Variants in EEIG1 observed in about 807,000 individuals in gnomAD.
The protein encoded by EEIG1 is estrogen-induced osteoclastogenesis regulator 1, also known as early estrogen-induced gene 1 protein.
chr9:127,951,540 G>A, the EEIG1 span, among the ~76,000 whole-genome samples: 2 of 152,246 alleles, frequency 1.3e-5, no homozygotes, highest in East Asian at 1.9e-4. Context: ...CACAGAGGCC[G>A]GGCGCGGTGG....
the EEIG1 span, chr9:127,953,312 A>G: frequency 1.9e-6 from 1 of 519,964 alleles, no homozygotes; most frequent in Non-Finnish European, 3.4e-6. Context: ...GGGGTCCCAG[A>G]AAGAGGCCTG....
chr9:127,962,135 C>T, the EEIG1 span, among the ~76,000 whole-genome samples: 1 of 152,136 alleles, frequency 6.6e-6, no homozygotes, highest in African/African-American at 2.4e-5. Context: ...CCCCATCAGA[C>T]CTGCAGGAAG....
At chr9:127,945,501 C>G in the EEIG1 span, 6 of 1,569,256 alleles carry the variant, frequency 3.8e-6, no homozygotes, top group Non-Finnish European at 5.2e-6. This position sits in a 1 kb window ranked among gnomAD's most constrained non-coding sequence, Gnocchi z 6.5. Context: ...TGCTGGTGGA[C>G]GTGTTGCGGC....
chr9:127,979,922 C>T, the EEIG1 span: 23 of 1,529,248 alleles, frequency 1.5e-5, no homozygotes, highest in African/African-American at 2.8e-5. Context: ...GGGGCCCTTC[C>T]ACACTTGCCA....
chr9:127,951,854 C>G, the EEIG1 span, among the ~76,000 whole-genome samples: 2 of 151,096 alleles, frequency 1.3e-5, no homozygotes, highest in Admixed American at 1.3e-4. Context: ...AAACTAAGTT[C>G]AGGGAGGGGA....
At chr9:127,943,478 T>A in the EEIG1 span, 3 of 554,676 alleles carry the variant, frequency 5.4e-6, no homozygotes, top group South Asian at 6.3e-5. Context: ...TGCCACCCCA[T>A]CCTCACGGTC....
the EEIG1 span, among the ~76,000 whole-genome samples, chr9:127,955,100 G>C: frequency 6.6e-6 from 1 of 152,184 alleles, no homozygotes; most frequent in Non-Finnish European, 1.5e-5. Flanking sequence ...GAGACAGTGT[G>C]AGAGACGTTA....
the EEIG1 span, among the ~76,000 whole-genome samples, chr9:127,975,070 T>C: frequency 6.6e-6 from 1 of 152,184 alleles, no homozygotes; most frequent in Non-Finnish European, 1.5e-5. Flanking sequence ...TCAACCAGCA[T>C]TCCACAGCCT....
At chr9:127,944,571 C>A in the EEIG1 span, 1 of 1,438,740 alleles carries the variant, frequency 7.0e-7, no homozygotes, top group South Asian at 1.2e-5. Context: ...CTCTCACCCC[C>A]AAGCCCCAGC....
chr9:127,940,687 G>C, the EEIG1 span: 1 of 152,072 alleles, frequency 6.6e-6, no homozygotes, highest in Non-Finnish European at 1.5e-5. Context: ...CTGGGACAGA[G>C]GAACAAACAC....
the EEIG1 span, chr9:127,953,939 G>A: frequency 6.2e-7 from 1 of 1,613,198 alleles, no homozygotes; most frequent in Non-Finnish European, 8.5e-7. Context: ...TGGGCCAGAG[G>A]CGACAGGTGA....
chr9:127,953,741 C>T, the EEIG1 span: 16 of 1,612,182 alleles, frequency 9.9e-6, no homozygotes, highest in South Asian at 9.9e-5. Context: ...GCTGGGGGTG[C>T]GGACTCATGA....
At chr9:127,959,936 TGTG>T in the EEIG1 span, among the ~76,000 whole-genome samples, 9 of 152,182 alleles carry the variant, frequency 5.9e-5, no homozygotes, top group Non-Finnish European at 1.3e-4. Flanking sequence ...TAAAATTTGT[TGTG>T]ATGATGGTTG....
chr9:127,975,049 C>A, the EEIG1 span, among the ~76,000 whole-genome samples: 1 of 152,218 alleles, frequency 6.6e-6, no homozygotes, highest in Non-Finnish European at 1.5e-5. Context: ...AGGCCTCCCC[C>A]GGAGGTGGAT....
the EEIG1 span, chr9:127,950,299 C>G: frequency 1.0e-6 from 1 of 958,844 alleles, no homozygotes; most frequent in Non-Finnish European, 1.6e-6. Flanking sequence ...CGCCCCTTCC[C>G]GATGTCTACC....
At chr9:127,950,979 G>A in the EEIG1 span, among the ~76,000 whole-genome samples, 1 of 152,228 alleles carries the variant, frequency 6.6e-6, no homozygotes, top group Non-Finnish European at 1.5e-5. Context: ...TGGGAGGGGA[G>A]GGGCACTGCA....
the EEIG1 span, among the ~76,000 whole-genome samples, chr9:127,951,591 G>A: frequency 2.6e-5 from 4 of 151,996 alleles, no homozygotes; most frequent in Admixed American, 2.0e-4. Flanking sequence ...CAAGGCAGGC[G>A]GATCACGAGG....
At chr9:127,962,532 C>G in the EEIG1 span, among the ~76,000 whole-genome samples, 4 of 152,102 alleles carry the variant, frequency 2.6e-5, no homozygotes, top group African/African-American at 9.7e-5. Context: ...GTCCTCAGAG[C>G]TGAGTGCCAC....
the EEIG1 span, chr9:127,972,603 C>T: frequency 1.3e-5 from 2 of 152,452 alleles, no homozygotes; most frequent in Non-Finnish European, 1.5e-5. This position sits in a 1 kb window ranked among gnomAD's most constrained non-coding sequence, Gnocchi z 4.3. Context: ...CAAGGTCACA[C>T]AGGCAGCAAG....
Sources: allele counts gnomAD v4.1 joint callset (sites outside exome capture counted in the v4.1 genomes callset), GRCh38; gene constraint gnomAD v4.1.1; non-coding constraint Gnocchi (gnomAD v3.1); transcripts MANE v1.5; gene names NCBI Gene and HGNC (gene_info 2026-07-23, HGNC 2026-07-21).